The following GCC2 variants were observed in gnomAD, a reference collection of about 807,000 sequenced individuals.
GCC2 encodes the protein GRIP and coiled-coil domain-containing protein 2.
GCC2 carries 120 observed loss-of-function variants against 210.6 expected under a neutral mutation model. The ratio of observed to expected loss-of-function variants is 0.57; its 90% CI spans 0.49 to 0.66. The LOEUF is 0.66. Ranked by LOEUF, GCC2 falls within the 30% of genes least tolerant of loss-of-function variation. The pLI is 0.00. For missense variants in GCC2, 1,868 were observed against 1,871.9 expected (o/e 1.00, Z 0.04); for synonymous variants, 703 against 652.7 (o/e 1.08, Z -1.17).
intron 7 of GCC2, among the ~76,000 whole-genome samples, chr2:108,474,480 A>ACC (rs1386371753): frequency 6.6e-6 from 1 of 152,170 alleles, no homozygotes; most frequent in Non-Finnish European, 1.5e-5. Context: ...ACATGCTGGA[A>ACC]CCAGAGCTTG....
chr2:108,460,167 A>G (rs1348988183), intron 4 of GCC2, among the ~76,000 whole-genome samples: 1 of 152,140 alleles, frequency 6.6e-6, no homozygotes, highest in Admixed American at 6.5e-5. Flanking sequence ...TAGATTTTCT[A>G]ATCCTTTTGT....
At chr2:108,486,942 G>A (rs983321741) in intron 16 of GCC2, among the ~76,000 whole-genome samples, 1 of 152,134 alleles carries the variant, frequency 6.6e-6, no homozygotes, top group Admixed American at 6.6e-5. Context: ...ACGTGTTACA[G>A]TTCTTAGGGC....
At chr2:108,480,606 T>C (rs1218171841) in intron 9 of GCC2, among the ~76,000 whole-genome samples, 1 of 152,172 alleles carries the variant, frequency 6.6e-6, no homozygotes, top group African/African-American at 2.4e-5. Context: ...TGCAGGGACA[T>C]GTATGAAGCT....
rs1307227109 is a variant in GCC2, at chr2:108,464,335, C to A, written c.217-4645C>A. 2.0e-5 allele frequency among the ~76,000 whole-genome samples: 3 copies of A among 152,276 alleles called. No homozygotes were observed. The East Asian group carries it at 5.8e-4, about 29-fold the overall frequency. On this transcript the variant is annotated intron_variant, in intron 4 of 22. Coordinates refer to ENST00000309863, the MANE Select transcript of GCC2 (RefSeq NM_181453.4). ...TGCATGGTTAGAAGGGGCAAGATTG[C>A]CACCCGTGCTGCCACCTCAGCCCAG... is the stretch of plus-strand genomic sequence containing the variant.
intron 9 of GCC2, among the ~76,000 whole-genome samples, chr2:108,479,201 G>A (rs545483292): frequency 6.6e-6 from 1 of 152,068 alleles, no homozygotes; most frequent in Admixed American, 6.5e-5. Context: ...AGATTCCCAA[G>A]TCTTGTCTTC....
At position 108,471,432 on chromosome 2, in the gene GCC2, A is replaced by G. The variant is rs1406749496; in HGVS notation, c.2103A>G (p.Lys701=). Residue 701 remains lysine (K), a synonymous_variant, in exon 6 of 23, where the codon AAA becomes AAG. Transcript: ENST00000309863. ...YEENNKLSSE[K]KQLSRDLEVF... The stretch of plus-strand genomic sequence containing the variant: ...AAAACAATAAACTCAGTTCAGAAAA[A>G]AAACAGTTGAGTAGGGATTTGGAGG... 2 of 1,608,358 alleles carry G rather than the reference A, an allele frequency of 1.2e-6. No homozygotes were observed. Among genetic ancestry groups the G allele is most frequent in the Admixed American group, 3.4e-5 (2 of 58,910 alleles).
intron 20 of GCC2, chr2:108,496,739 T>C (rs1216855819): frequency 7.9e-6 from 5 of 629,942 alleles, no homozygotes; most frequent in Non-Finnish European, 1.3e-5. Flanking sequence ...CTGGGACTCA[T>C]AGGGCTTGTA....
chr2:108,455,926 C>T (rs575223005), intron 4 of GCC2, among the ~76,000 whole-genome samples: 1 of 152,224 alleles, frequency 6.6e-6, no homozygotes, highest in East Asian at 1.9e-4. Flanking sequence ...CAATGACTAC[C>T]AATATTGGGG....
At chr2:108,452,570 C>T (rs776793870) in intron 4 of GCC2, 104 bp downstream of exon 4, 1 of 735,852 alleles carries the variant, frequency 1.4e-6, no homozygotes, top group Non-Finnish European at 2.4e-6. Context: ...TACTTCCTCT[C>T]TGCCTTGGTT....
chr2:108,449,963 T>G lies in GCC2; in HGVS notation c.63+274T>G, dbSNP rs980287933. 3.3e-5 allele frequency: 14 copies of G among 423,810 alleles called. No homozygotes were observed. The Admixed American group carries it at 4.0e-4, about 12-fold the overall frequency. 26.3% of individuals were successfully genotyped at this position (423,810 alleles called of 1,614,324 possible). On this transcript the variant is annotated intron_variant, in intron 2 of 22. Transcript: ENST00000309863. ...ATAAAGCAGTCTAAGAAGGTTTATA[T>G]AGTGGTGTAGTGGAAGGAGCAGTGA... is the stretch of plus-strand genomic sequence containing the variant.
Position 108,470,883 on chromosome 2 carries a change from A to G in GCC2, c.1554A>G (p.Glu518=), listed in dbSNP as rs370488160. Residue 518 remains glutamate, a synonymous_variant, in exon 6 of 23, where the codon GAA becomes GAG. Transcript: ENST00000309863. ...MKQQQASDVH[E]LQQKLRTAFT... is the part of the protein sequence containing the mutation. ...AACAGCAAGCATCTGATGTTCATGA[A>G]CTGCAGCAGAAGCTCAGAACTGCTT... 8.1e-6 allele frequency: 13 copies of G among 1,613,642 alleles called. No individual in the cohort carries two copies. In the African/African-American group the frequency reaches 1.2e-4, roughly 15 times the overall value.
chr2:108,449,400 G>A (rs2104392806), intron 1 of GCC2, 120 bp downstream of exon 1: 1 of 1,455,674 alleles, frequency 6.9e-7, no homozygotes, highest in Non-Finnish European at 9.2e-7. Flanking sequence ...AGCCCGCGCT[G>A]CTGTCGCCTC....
At chr2:108,506,920 TTTC>T (rs1461610095) in intron 22 of GCC2, among the ~76,000 whole-genome samples, 1 of 152,150 alleles carries the variant, frequency 6.6e-6, no homozygotes, top group African/African-American at 2.4e-5. Context: ...TAAATAATCA[TTTC>T]TGCATGATTT....
rs13386520 is a variant in GCC2, at chr2:108,477,921, C to G, written c.3060+2071C>G. 9.3e-3 allele frequency among the ~76,000 whole-genome samples: 1,416 copies of G among 152,278 alleles called. 23 individuals carry two copies. The highest frequency in any genetic ancestry group is 0.031 in the Middle Eastern group (9 of 294). On this transcript the variant is annotated intron_variant, in intron 9 of 22. Coordinates refer to ENST00000309863, the MANE Select transcript of GCC2 (RefSeq NM_181453.4). Reference sequence around the variant, plus strand: ...TTTAGCTGGGCATGGTGGCACACACCTGTAGTCCTAGCTACTCTGATGGCC... The same window carrying G: ...TTTAGCTGGGCATGGTGGCACACACGTGTAGTCCTAGCTACTCTGATGGCC...
At chr2:108,489,323 C>G (rs145255655) in intron 17 of GCC2, among the ~76,000 whole-genome samples, 11 of 152,320 alleles carry the variant, frequency 7.2e-5, no homozygotes, top group African/African-American at 2.6e-4. Flanking sequence ...CAAGACCAAC[C>G]TGACCAACAT....
chr2:108,491,188 C>A (rs1682388187), intron 18 of GCC2, among the ~76,000 whole-genome samples: 1 of 152,174 alleles, frequency 6.6e-6, no homozygotes, highest in South Asian at 2.1e-4. Context: ...AATATAAACA[C>A]CTCTGTAACA....
rs762637740 is a variant in GCC2 at position 108,487,749 on chromosome 2, T to C, written c.3981T>C (p.Val1327=). The C allele has an allele frequency of 1.9e-6, 3 of 1,613,330 alleles. No homozygotes were observed. The highest frequency in any genetic ancestry group is 2.5e-6 in the Non-Finnish European group (3 of 1,179,398). ...AATTCGAGAGCTACAAAGTCCGAGTTCATAATGTTCTAAAACAACAGAAAA... is the reference window on the plus strand; with the variant it reads ...AATTCGAGAGCTACAAAGTCCGAGTCCATAATGTTCTAAAACAACAGAAAA... ...TSEFESYKVR[V]HNVLKQQKNK... The change falls in exon 17 of 23, where the codon GTT becomes GTC. Residue 1327 remains valine (V), a synonymous_variant. Transcript: ENST00000309863.
chr2:108,484,257 G>T lies in GCC2; in HGVS notation c.3559G>T (p.Glu1187Ter). ...TNKNNKIEDL[E>*]QEIKIQKQKQ... ...TAAAAACAACAAGATAGAAGATTTG[G>T]AGCAAGAAATAAAAATTCAAAAACA... The change falls in exon 13 of 23, where the codon GAG (glutamate) becomes TAG (stop). Residue 1187 changes from glutamate (E) to a stop codon, truncating the protein, a stop_gained. Transcript: ENST00000309863. LOFTEE classifies it high-confidence loss of function. 6.4e-7 allele frequency: 1 copy of T among 1,563,072 alleles called. No individual in the cohort carries two copies. The highest frequency in any genetic ancestry group is 1.2e-5 in the South Asian group (1 of 84,168).
chr2:108,481,869 T>C (rs1485962984), intron 10 of GCC2, 53 bp downstream of exon 10: 1 of 1,311,190 alleles, frequency 7.6e-7, no homozygotes, highest in Non-Finnish European at 1.0e-6. Flanking sequence ...TATTTTAATC[T>C]CAATACTTTT....
Sources: gnomAD v4.1 joint callset for allele counts (sites outside exome capture counted in the v4.1 genomes callset) on GRCh38, gnomAD v4.1.1 for gene constraint, MANE v1.5 for transcripts, NCBI Gene and HGNC (gene_info 2026-07-23, HGNC 2026-07-21) for gene names.